SORCS2: variants seen among roughly 807,000 people sequenced by gnomAD.
SORCS2 encodes VPS10 domain-containing receptor SorCS2.
Under a neutral mutation model 141.6 loss-of-function variants are expected in SORCS2, and 100 were observed. That is an observed-to-expected ratio of 0.71 (90% confidence interval 0.60 to 0.83). SORCS2 has a LOEUF of 0.83. Ranked by LOEUF, SORCS2 falls within the 40% of genes least tolerant of loss-of-function variation. SORCS2 has a pLI of 0.00. For synonymous variants in SORCS2, 789 were observed against 676.9 expected, an observed-to-expected ratio of 1.17 and a Z score of -2.57; for missense variants, 1,646 against 1,560.2, an observed-to-expected ratio of 1.05 and a Z score of -0.93.
intron 3 of SORCS2, among the ~76,000 whole-genome samples, chr4:7,538,835 A>G (rs1421318057): frequency 1.3e-5 from 2 of 152,214 alleles, no homozygotes; most frequent in East Asian, 1.9e-4. Context: ...GGACTGAGCA[A>G]TGAATCAAGT....
chr4:7,574,456 C>T (rs1476882449), intron 3 of SORCS2, among the ~76,000 whole-genome samples: 4 of 152,198 alleles, frequency 2.6e-5, no homozygotes, highest in African/African-American at 9.7e-5. Context: ...CCCTGCCTTG[C>T]TTGGCATGGG....
intron 1 of SORCS2, among the ~76,000 whole-genome samples, chr4:7,332,291 C>T (rs1233744162): frequency 2.0e-5 from 3 of 152,138 alleles, no homozygotes; most frequent in African/African-American, 7.2e-5. Flanking sequence ...TCCCGGGGGC[C>T]CTGTCCGCAG....
At chr4:7,358,630 A>G (rs1311314406) in intron 1 of SORCS2, among the ~76,000 whole-genome samples, 1 of 152,148 alleles carries the variant, frequency 6.6e-6, no homozygotes, top group East Asian at 1.9e-4. Context: ...TAGCGTTTCT[A>G]TTTGTTAAGT....
At chr4:7,208,578 C>T (rs143869840) in intron 1 of SORCS2, among the ~76,000 whole-genome samples, 2 of 152,320 alleles carry the variant, frequency 1.3e-5, no homozygotes, top group South Asian at 2.1e-4. Context: ...GTTTCAAGGG[C>T]GAGAGGCTGC....
intron 2 of SORCS2, among the ~76,000 whole-genome samples, chr4:7,514,602 G>C (rs1290850486): frequency 6.6e-6 from 1 of 152,058 alleles, no homozygotes; most frequent in Non-Finnish European, 1.5e-5. Context: ...GTCTGGGAAG[G>C]AGAGGAGCAC....
At chr4:7,403,993 ATATATTTT>A (rs1159384876) in intron 2 of SORCS2, among the ~76,000 whole-genome samples, 3 of 7,706 alleles carry the variant, frequency 3.9e-4, no homozygotes, top group Middle Eastern at 0.062. Flanking sequence ...ATATATATAT[ATATATTTT>A]TTTTTTTTTT....
chr4:7,645,865 G>A (rs988979771), intron 4 of SORCS2, among the ~76,000 whole-genome samples: 2 of 152,194 alleles, frequency 1.3e-5, no homozygotes, highest in African/African-American at 2.4e-5. Flanking sequence ...CTGCTCCAGG[G>A]TGTATGGTAC....
intron 2 of SORCS2, among the ~76,000 whole-genome samples, chr4:7,451,866 G>T (rs1221681741): frequency 6.6e-6 from 1 of 152,180 alleles, no homozygotes; most frequent in Non-Finnish European, 1.5e-5. Flanking sequence ...GCCAAGGCTG[G>T]GTCTGAACAT....
intron 2 of SORCS2, among the ~76,000 whole-genome samples, chr4:7,460,354 C>T (rs1470003329): frequency 1.3e-5 from 2 of 152,246 alleles, no homozygotes; most frequent in South Asian, 2.1e-4. Context: ...CGGTGGCCAA[C>T]GCAGCTTCCA....
At chr4:7,405,514 A>G (rs915960689) in intron 2 of SORCS2, among the ~76,000 whole-genome samples, 1 of 152,004 alleles carries the variant, frequency 6.6e-6, no homozygotes, top group Non-Finnish European at 1.5e-5. Flanking sequence ...TGTGTCATCT[A>G]CAATTTCTAA....
chr4:7,587,104 C>T (rs372937227), intron 3 of SORCS2, among the ~76,000 whole-genome samples: 13 of 151,978 alleles, frequency 8.6e-5, no homozygotes, highest in African/African-American at 2.4e-4. Context: ...ATGAGAGGTG[C>T]GCAAGCAGAA....
chr4:7,537,227 A>C (rs766778127), intron 3 of SORCS2, among the ~76,000 whole-genome samples: 7 of 152,126 alleles, frequency 4.6e-5, no homozygotes, highest in Non-Finnish European at 1.0e-4. Context: ...CAGTTTCCCC[A>C]TCCCTTAGAT....
chr4:7,597,127 G>GCAATAGGGGAGGGGACTATC (rs1249637245), intron 3 of SORCS2, among the ~76,000 whole-genome samples: 2 of 151,840 alleles, frequency 1.3e-5, no homozygotes, highest in Non-Finnish European at 2.9e-5. Flanking sequence ...GGAGGCTATT[G>GCAATAGGGGAGGGGACTATC]CAATAGGGGA....
At chr4:7,585,739 G>T (rs1353878930) in intron 3 of SORCS2, among the ~76,000 whole-genome samples, 2 of 152,178 alleles carry the variant, frequency 1.3e-5, no homozygotes, top group Non-Finnish European at 2.9e-5. Context: ...CTCTCAGCTG[G>T]CTAGGGTACA....
intron 10 of SORCS2, among the ~76,000 whole-genome samples, chr4:7,684,576 A>G (rs1315779379): frequency 1.3e-5 from 2 of 152,114 alleles, no homozygotes; most frequent in Non-Finnish European, 2.9e-5. Flanking sequence ...TAGAGACTGC[A>G]CCCTGGGGAC....
At chr4:7,723,572 A>G in intron 18 of SORCS2, 125 bp from the exon 19 acceptor site, 2 of 1,092,024 alleles carry the variant, frequency 1.8e-6, no homozygotes, top group South Asian at 2.6e-5. Flanking sequence ...CCCAGAGCCC[A>G]CTCATGTCAA....
intron 3 of SORCS2, among the ~76,000 whole-genome samples, chr4:7,550,557 G>T (rs1194642576): frequency 6.6e-6 from 1 of 152,204 alleles, no homozygotes; most frequent in African/African-American, 2.4e-5. Flanking sequence ...GGTGTGTCTG[G>T]GGAACCCAGC....
intron 3 of SORCS2, among the ~76,000 whole-genome samples, chr4:7,620,797 G>T (rs776432137): frequency 3.9e-5 from 6 of 152,202 alleles, no homozygotes; most frequent in Admixed American, 1.3e-4. Flanking sequence ...TGGTGAAGGC[G>T]CTGAGGGTCT....
intron 2 of SORCS2, among the ~76,000 whole-genome samples, chr4:7,417,223 G>A (rs1163649262): frequency 6.6e-6 from 1 of 152,170 alleles, no homozygotes; most frequent in Admixed American, 6.5e-5. Flanking sequence ...GGCATGAAGG[G>A]CGAGCTAGAC....
Sources: allele counts gnomAD v4.1 joint callset (sites outside exome capture counted in the v4.1 genomes callset), GRCh38; gene constraint gnomAD v4.1.1; transcripts MANE v1.5; gene names NCBI Gene and HGNC (gene_info 2026-07-23, HGNC 2026-07-21).